FAT1: variants seen among roughly 807,000 people sequenced by gnomAD.
FAT1 encodes protocadherin Fat 1.
Under a neutral mutation model 329.8 loss-of-function variants are expected in FAT1, and 171 were observed. The observed-to-expected ratio is 0.52, with a 90% CI of 0.46 to 0.59. The LOEUF is 0.59. Ranked by LOEUF, FAT1 falls within the 20% of genes least tolerant of loss-of-function variation. FAT1 has a pLI of 0.00. For missense variants in FAT1, 5,672 were observed against 5,774.4 expected (o/e 0.98, Z 0.57); for synonymous variants, 2,233 against 2,228.6 (o/e 1.00, Z -0.06).
At chr4:186,643,166 C>T (rs530450430) in intron 3 of FAT1, among the ~76,000 whole-genome samples, 25 of 152,148 alleles carry the variant, frequency 1.6e-4, no homozygotes, top group African/African-American at 3.6e-4. Flanking sequence ...TTCCAGGGTA[C>T]GGCAGCCCCC....
At chr4:186,719,901 CAG>C (rs1049038758) in intron 1 of FAT1, among the ~76,000 whole-genome samples, 2 of 152,190 alleles carry the variant, frequency 1.3e-5, no homozygotes, top group Admixed American at 6.5e-5. Flanking sequence ...CCCCCAATCC[CAG>C]TCAACCTATT....
chr4:186,646,244 G>A (rs1741379049), intron 3 of FAT1, among the ~76,000 whole-genome samples: 1 of 152,048 alleles, frequency 6.6e-6, no homozygotes, highest in African/African-American at 2.4e-5. Context: ...CACAGGAAGG[G>A]AAAAAGATCA....
At chr4:186,683,652 G>A (rs1743328842) in intron 2 of FAT1, among the ~76,000 whole-genome samples, 1 of 152,040 alleles carries the variant, frequency 6.6e-6, no homozygotes, top group Non-Finnish European at 1.5e-5. Flanking sequence ...CCTGGAGCAG[G>A]CACACTTGCC....
intron 9 of FAT1, 97 bp from the exon 10 acceptor site, chr4:186,621,872 A>C: frequency 1.3e-6 from 1 of 768,128 alleles, no homozygotes; most frequent in Non-Finnish European, 2.0e-6. Context: ...TAAAAATTAT[A>C]TTCTGAAATT....
At chr4:186,721,920 C>T (rs1348398208) in intron 1 of FAT1, among the ~76,000 whole-genome samples, 4 of 152,196 alleles carry the variant, frequency 2.6e-5, no homozygotes, top group Non-Finnish European at 5.9e-5. Context: ...CTTACCACAA[C>T]CTCCGCCTCC....
rs534098090 is a variant in FAT1, at chr4:186,708,886, C to T, written c.942G>A (p.Glu314=). The change falls in exon 2 of 27, where the codon GAG becomes GAA. Residue 314 remains glutamate (E), a synonymous_variant. Coordinates refer to ENST00000441802, the MANE Select transcript of FAT1 (RefSeq NM_005245.4). ...TGCCACCGATGGCTTTGACTTTATA[C>T]TCCTTACTCCCTGGAAAGGACCTCA... ...RTVRSFPGSK[E]YKVKAIGGID... The T allele has an allele frequency of 1.2e-6, 2 of 1,613,972 alleles. No homozygotes were observed. The highest frequency in any genetic ancestry group is 1.3e-5 in the African/African-American group (1 of 75,032).
chr4:186,710,652 C>T (rs1744905495), intron 1 of FAT1, among the ~76,000 whole-genome samples: 1 of 152,162 alleles, frequency 6.6e-6, no homozygotes. Flanking sequence ...AATGTTTTAT[C>T]ACCACTGCTG....
chr4:186,663,729 T>A, intron 2 of FAT1, 116 bp from the exon 3 acceptor site: 1 of 765,672 alleles, frequency 1.3e-6, no homozygotes, highest in South Asian at 1.9e-5. Context: ...ACTAGGTGCA[T>A]AACCTTGAGC....
chr4:186,602,517 G>A (rs1392813289), intron 20 of FAT1, among the ~76,000 whole-genome samples: 1 of 152,170 alleles, frequency 6.6e-6, no homozygotes. Flanking sequence ...CAGGTTTAAA[G>A]GTACTGGCTC....
At chr4:186,709,988 G>T in intron 1 of FAT1, 143 bp from the exon 2 acceptor site, 1 of 732,132 alleles carries the variant, frequency 1.4e-6, no homozygotes. Flanking sequence ...TGTTTTTCAT[G>T]TTTTCCAATA....
intron 3 of FAT1, 53 bp downstream of exon 3, chr4:186,663,246 C>A (rs1742264064): frequency 7.5e-7 from 1 of 1,325,448 alleles, no homozygotes; most frequent in Non-Finnish European, 1.1e-6. Flanking sequence ...TACTTTTCCC[C>A]CTAACAGAAA....
chr4:186,704,678 T>C (rs1744485843), intron 2 of FAT1, among the ~76,000 whole-genome samples: 1 of 152,198 alleles, frequency 6.6e-6, no homozygotes, highest in Non-Finnish European at 1.5e-5. Context: ...TGGGGTATTT[T>C]TCTATGTTGA....
rs2126434242 is a variant in FAT1, at chr4:186,603,850, T to C, written c.10676A>G (p.Tyr3559Cys). ...GATCTTCCCAATGACGCCACCTGAG[T>C]ATTCTTCTCCAGAAGAGGTGATGAA... ...EIFITSSGEE[Y>C]SGGVIGKIHA... Residue 3559 changes from tyrosine (Y) to cysteine (C), a missense_variant, in exon 19 of 27, where the codon TAC becomes TGC. By Grantham distance (194) the Tyr-to-Cys change is radical. Transcript: ENST00000441802. 6.2e-7 allele frequency: 1 copy of C among 1,613,892 alleles called. No homozygotes were observed. The highest frequency in any genetic ancestry group is 8.5e-7 in the Non-Finnish European group (1 of 1,179,870).
intron 3 of FAT1, among the ~76,000 whole-genome samples, chr4:186,643,573 A>G (rs1413456063): frequency 6.6e-6 from 1 of 152,132 alleles, no homozygotes; most frequent in African/African-American, 2.4e-5. Context: ...ATACAAAATG[A>G]AAACAGAATT....
At chr4:186,698,207 T>C (rs180777861) in intron 2 of FAT1, among the ~76,000 whole-genome samples, 42 of 152,266 alleles carry the variant, frequency 2.8e-4, no homozygotes, top group East Asian at 9.7e-4. Flanking sequence ...CTTGAGTTCA[T>C]GGAGACGGAC....
At chr4:186,612,941 T>C (rs1383335461) in intron 13 of FAT1, among the ~76,000 whole-genome samples, 168 bp downstream of exon 13, 1 of 152,188 alleles carries the variant, frequency 6.6e-6, no homozygotes, top group African/African-American at 2.4e-5. Flanking sequence ...CTTTAAATAT[T>C]CATTAAAAAT....
rs2126693566 is a variant in FAT1, at chr4:186,708,064, T to C, written c.1764A>G (p.Ile588Met). 6.2e-7 allele frequency: 1 copy of C among 1,614,000 alleles called. No individual in the cohort carries two copies. The highest frequency in any genetic ancestry group is 1.1e-5 in the South Asian group (1 of 91,070). The change falls in exon 2 of 27, where the codon ATA (isoleucine) becomes ATG (methionine). Residue 588 changes from isoleucine to methionine, a missense_variant. Ile to Met is a conservative substitution (Grantham distance 10, BLOSUM62 1). Around this residue, in one of 2 missense-constraint regions of FAT1, gnomAD observed 3,966 missense variants for 3,915.2 expected, o/e 1.01. Transcript: ENST00000441802. ...IPRDLGVGEQ[I>M]TTVSAIDADE... ...CTGCATCAATAGCAGAAACAGTGGTTATTTGCTCTCCCACGCCTAGATCTC... is the reference window on the plus strand; with the variant it reads ...CTGCATCAATAGCAGAAACAGTGGTCATTTGCTCTCCCACGCCTAGATCTC...
chr4:186,684,862 G>C (rs1482832777), intron 2 of FAT1, among the ~76,000 whole-genome samples: 1 of 152,208 alleles, frequency 6.6e-6, no homozygotes, highest in Non-Finnish European at 1.5e-5. Flanking sequence ...ACTCTGTTTA[G>C]TTTTGACTAA....
chr4:186,722,400 A>G (rs1745505748), intron 1 of FAT1, among the ~76,000 whole-genome samples: 1 of 152,262 alleles, frequency 6.6e-6, no homozygotes, highest in South Asian at 2.1e-4. Flanking sequence ...TGAGCTTGTT[A>G]AATGCCATGT....
Sources: gnomAD v4.1 joint callset for allele counts (sites outside exome capture counted in the v4.1 genomes callset) on GRCh38, gnomAD v4.1.1 for gene constraint, gnomAD v4.1.1 regional missense constraint, MANE v1.5 for transcripts, NCBI Gene and HGNC (gene_info 2026-07-23, HGNC 2026-07-21) for gene names.